Variants in ASIC2 observed in about 807,000 individuals in gnomAD.
ASIC2 encodes acid-sensing ion channel 2.
Under a neutral mutation model 57.3 loss-of-function variants are expected in ASIC2, and 25 were observed. The ratio of observed to expected loss-of-function variants is 0.44; its 90% CI spans 0.32 to 0.61. The LOEUF is 0.61. Among genes scored for constraint, ASIC2 ranks in the 20% least tolerant of loss-of-function variants. The pLI is 0.06. For missense variants in ASIC2, 641 were observed against 738.1 expected, an observed-to-expected ratio of 0.87 and a Z score of 1.52; for synonymous variants, 319 against 307.5, an observed-to-expected ratio of 1.04 and a Z score of -0.39.
intron 1 of ASIC2, among the ~76,000 whole-genome samples, chr17:33,305,766 A>AG (rs1188067198): frequency 6.6e-6 from 1 of 152,254 alleles, no homozygotes; most frequent in African/African-American, 2.4e-5. Flanking sequence ...TCATTAAAAA[A>AG]AAGTTGTGAT....
At chr17:33,789,741 A>G (rs1347509918) in intron 1 of ASIC2, among the ~76,000 whole-genome samples, 2 of 152,102 alleles carry the variant, frequency 1.3e-5, no homozygotes, top group African/African-American at 2.4e-5. Context: ...TTTTAGATAC[A>G]TTTGTTTTGG....
At chr17:33,571,487 A>C (rs1916440115) in intron 1 of ASIC2, among the ~76,000 whole-genome samples, 1 of 152,188 alleles carries the variant, frequency 6.6e-6, no homozygotes, top group Non-Finnish European at 1.5e-5. Flanking sequence ...AAATGTCCCC[A>C]AAGACTGTGA....
chr17:33,276,288 C>T (rs1904699119), intron 1 of ASIC2, among the ~76,000 whole-genome samples: 1 of 152,032 alleles, frequency 6.6e-6, no homozygotes, highest in African/African-American at 2.4e-5. Flanking sequence ...GCTGAAAAAA[C>T]AAATGAGGGT....
intron 1 of ASIC2, 165 bp downstream of exon 1, chr17:33,291,243 G>T: frequency 7.2e-7 from 1 of 1,383,540 alleles, no homozygotes; most frequent in African/African-American, 1.5e-5. Flanking sequence ...CCCACAACCT[G>T]CAGGAGAAGA....
chr17:33,312,090 T>C (rs1906450047), intron 1 of ASIC2, among the ~76,000 whole-genome samples: 1 of 152,228 alleles, frequency 6.6e-6, no homozygotes, highest in Non-Finnish European at 1.5e-5. Flanking sequence ...ATATGTGACC[T>C]TGGGTGAGCC....
intron 1 of ASIC2, among the ~76,000 whole-genome samples, chr17:34,081,143 C>G (rs556048802): frequency 7.3e-4 from 111 of 152,210 alleles, no homozygotes; most frequent in African/African-American, 2.5e-3. Flanking sequence ...CACTGAAACC[C>G]CCTGGGGCTT....
In ASIC2 at chr17:33,877,186, C is replaced by T. The variant is rs1048677567; in HGVS notation, c.555+278792G>A. 5.3e-5 allele frequency among the ~76,000 whole-genome samples: 8 copies of T among 152,312 alleles called. No individual in the cohort carries two copies. The South Asian group carries it at 8.3e-4, about 16-fold the overall frequency. ...AGGAGCTCCAGTCTACAGCTCCCAG[C>T]GTGAGCAACGCAGAAGATGGGTGAT... is the stretch of plus-strand genomic sequence containing the variant. On this transcript the variant is annotated intron_variant, in intron 1 of 9. Transcript: ENST00000359872.
intron 1 of ASIC2, among the ~76,000 whole-genome samples, chr17:33,307,619 T>A (rs1906238459): frequency 6.6e-6 from 1 of 152,204 alleles, no homozygotes; most frequent in Non-Finnish European, 1.5e-5. Context: ...CTTCTACTCA[T>A]CTTCTTAGAC....
chr17:33,177,482 T>C (rs1222986055), intron 1 of ASIC2, among the ~76,000 whole-genome samples: 3 of 152,010 alleles, frequency 2.0e-5, no homozygotes, highest in Non-Finnish European at 4.4e-5. Flanking sequence ...CAAACACAAG[T>C]CACAATTGGT....
At chr17:33,628,198 C>T (rs1906047212) in intron 1 of ASIC2, among the ~76,000 whole-genome samples, 5 of 152,052 alleles carry the variant, frequency 3.3e-5, no homozygotes, top group Non-Finnish European at 7.4e-5. Context: ...CTATGGGGAC[C>T]TAGTCTGATT....
At chr17:34,090,706 C>A (rs759013452) in intron 1 of ASIC2, among the ~76,000 whole-genome samples, 9 of 152,096 alleles carry the variant, frequency 5.9e-5, no homozygotes, top group Non-Finnish European at 1.2e-4. Flanking sequence ...TTCCTATAGA[C>A]CCTCAGTAAT....
chr17:33,486,510 C>T (rs1454052892), intron 1 of ASIC2, among the ~76,000 whole-genome samples: 1 of 152,184 alleles, frequency 6.6e-6, no homozygotes, highest in Non-Finnish European at 1.5e-5. Context: ...ATGGACGAAT[C>T]ACTTTTACGG....
intron 1 of ASIC2, among the ~76,000 whole-genome samples, chr17:33,266,071 A>C (rs1308374424): frequency 1.3e-5 from 2 of 152,112 alleles, no homozygotes; most frequent in Non-Finnish European, 2.9e-5. Context: ...TCACTGCCAG[A>C]GTGTTCTCCC....
intron 1 of ASIC2, among the ~76,000 whole-genome samples, chr17:33,299,707 G>C (rs1905871689): frequency 6.6e-6 from 1 of 152,078 alleles, no homozygotes; most frequent in South Asian, 2.1e-4. Context: ...AGAGGTCAAA[G>C]AAGGGGCCAT....
At chr17:33,082,344 A>C (rs1362186281) in intron 3 of ASIC2, among the ~76,000 whole-genome samples, 1 of 152,182 alleles carries the variant, frequency 6.6e-6, no homozygotes, top group Non-Finnish European at 1.5e-5. Context: ...AGAAAACAAG[A>C]ATCACCACCA....
chr17:33,876,132 C>G (rs1914541224), intron 1 of ASIC2, among the ~76,000 whole-genome samples: 1 of 152,162 alleles, frequency 6.6e-6, no homozygotes, highest in Non-Finnish European at 1.5e-5. Context: ...GCTCTGTTAT[C>G]TTTGTTTCTT....
intron 1 of ASIC2, among the ~76,000 whole-genome samples, chr17:33,784,001 G>A (rs1360041918): frequency 6.6e-6 from 1 of 152,214 alleles, no homozygotes; most frequent in Non-Finnish European, 1.5e-5. Context: ...AGCACCAAAG[G>A]TACAGCTCTG....
At chr17:33,981,597 G>A (rs1254158390) in intron 1 of ASIC2, among the ~76,000 whole-genome samples, 2 of 150,538 alleles carry the variant, frequency 1.3e-5, no homozygotes, top group Non-Finnish European at 2.9e-5. Flanking sequence ...CTCTTGCACA[G>A]TTTCTAAAGA....
chr17:33,135,619 C>A (rs758943822), intron 1 of ASIC2, among the ~76,000 whole-genome samples: 1 of 152,130 alleles, frequency 6.6e-6, no homozygotes, highest in Non-Finnish European at 1.5e-5. Flanking sequence ...TGGAGCCAGG[C>A]AGGAGGAGAC....
Sources: gnomAD v4.1 joint callset for allele counts (sites outside exome capture counted in the v4.1 genomes callset) on GRCh38, gnomAD v4.1.1 for gene constraint, MANE v1.5 for transcripts, NCBI Gene and HGNC (gene_info 2026-07-23, HGNC 2026-07-21) for gene names.